The following UBASH3B variants were observed in gnomAD, a reference collection of about 807,000 sequenced individuals.
UBASH3B encodes ubiquitin associated and SH3 domain containing B.
In UBASH3B, 37 loss-of-function variants were observed where a neutral mutation model predicts 83.4. The ratio of observed to expected loss-of-function variants is 0.44; its 90% CI spans 0.34 to 0.58. UBASH3B has a LOEUF of 0.58. Among genes scored for constraint, UBASH3B ranks in the 20% least tolerant of loss-of-function variants. The pLI, the probability that UBASH3B is intolerant of heterozygous loss-of-function variation, is 0.01. For missense variants in UBASH3B, 657 were observed against 827.2 expected (o/e 0.79, Z 2.52); for synonymous variants, 304 against 318.3 (o/e 0.96, Z 0.48).
In UBASH3B at chr11:122,730,321, C is replaced by T. The variant is rs74681819; in HGVS notation, c.162-45898C>T. ...TCACACGGGTCCTTGAACAATTGCA[C>T]TCACATTGTGGGGAGGTTCCCGCCT... On this transcript the variant is annotated intron_variant, in intron 1 of 13. Transcript: ENST00000284273. Among the ~76,000 whole-genome samples, 611 of 152,272 alleles carry T rather than the reference C, an allele frequency of 4.0e-3. 6 individuals carry two copies. Among genetic ancestry groups the T allele is most frequent in the African/African-American group, 0.014 (590 of 41,556 alleles).
intron 1 of UBASH3B, among the ~76,000 whole-genome samples, chr11:122,674,890 G>A (rs923840469): frequency 2.6e-5 from 4 of 151,492 alleles, no homozygotes; most frequent in African/African-American, 7.3e-5. Flanking sequence ...CATCATACCC[G>A]GCTAATTTTC....
In UBASH3B at chr11:122,759,750, G is replaced by A. The variant is rs773402334; in HGVS notation, c.162-16469G>A. On this transcript the variant is annotated intron_variant, in intron 1 of 13. Transcript: ENST00000284273. This position sits in a 1 kb window ranked among gnomAD's most constrained non-coding sequence, Gnocchi z 4.1. Reference sequence around the variant, plus strand: ...TGCCACTGATCTGATAGGAGGCAGAGCTCAGGCAGTAATGCTCACTCGCCT... The same window carrying A: ...TGCCACTGATCTGATAGGAGGCAGAACTCAGGCAGTAATGCTCACTCGCCT... 1.1e-4 allele frequency among the ~76,000 whole-genome samples: 16 copies of A among 152,224 alleles called. No homozygotes were observed. The highest frequency in any genetic ancestry group is 2.4e-4 in the Non-Finnish European group (16 of 68,032).
chr11:122,778,347 A>G (rs1191584228), intron 3 of UBASH3B, among the ~76,000 whole-genome samples: 2 of 152,068 alleles, frequency 1.3e-5, no homozygotes, highest in African/African-American at 4.8e-5. Context: ...AGTTTGAGAG[A>G]CGTTCATTCT....
intron 1 of UBASH3B, among the ~76,000 whole-genome samples, chr11:122,719,731 C>T (rs1486369414): frequency 6.6e-6 from 1 of 152,156 alleles, no homozygotes; most frequent in African/African-American, 2.4e-5. Context: ...TCCTATCCTC[C>T]TCTTTTCTCT....
At chr11:122,656,484 A>G (rs1012579233) in intron 1 of UBASH3B, among the ~76,000 whole-genome samples, 9 of 152,052 alleles carry the variant, frequency 5.9e-5, no homozygotes, top group African/African-American at 2.2e-4. Context: ...TCCCGGGTAT[A>G]GTGCTCAGCC....
At chr11:122,714,754 A>G (rs1034362478) in intron 1 of UBASH3B, among the ~76,000 whole-genome samples, 1 of 152,172 alleles carries the variant, frequency 6.6e-6, no homozygotes, top group Non-Finnish European at 1.5e-5. Flanking sequence ...GATGATGGGA[A>G]GGCAGGGTAG....
chr11:122,701,571 G>T (rs997252928), intron 1 of UBASH3B, among the ~76,000 whole-genome samples: 5 of 152,052 alleles, frequency 3.3e-5, no homozygotes, highest in Non-Finnish European at 5.9e-5. Context: ...CCATGGTGAC[G>T]CAGAGGTCTG....
At chr11:122,711,286 A>T (rs1864187774) in intron 1 of UBASH3B, among the ~76,000 whole-genome samples, 1 of 152,162 alleles carries the variant, frequency 6.6e-6, no homozygotes, top group Non-Finnish European at 1.5e-5. Flanking sequence ...TGGAATTCGT[A>T]ATCATTTTAG....
intron 1 of UBASH3B, among the ~76,000 whole-genome samples, chr11:122,744,984 C>T (rs1861093924): frequency 1.3e-5 from 2 of 151,730 alleles, no homozygotes; most frequent in South Asian, 2.1e-4. Context: ...TTGCAGGGGA[C>T]CAGCCTGGTC....
intron 11 of UBASH3B, among the ~76,000 whole-genome samples, chr11:122,805,550 A>G (rs759268929): frequency 1.3e-5 from 2 of 152,116 alleles, no homozygotes; most frequent in Non-Finnish European, 1.5e-5. Flanking sequence ...AAACAACAAC[A>G]ACAACAAAAA....
At chr11:122,682,012 C>T (rs1323159402) in intron 1 of UBASH3B, among the ~76,000 whole-genome samples, 1 of 152,008 alleles carries the variant, frequency 6.6e-6, no homozygotes, top group Non-Finnish European at 1.5e-5. Flanking sequence ...ACAAGATGGG[C>T]CCATCTCCTG....
At chr11:122,722,140 A>G (rs1312607230) in intron 1 of UBASH3B, among the ~76,000 whole-genome samples, 1 of 152,224 alleles carries the variant, frequency 6.6e-6, no homozygotes, top group African/African-American at 2.4e-5. Flanking sequence ...GACAAGTTGT[A>G]TCACATTTTA....
intron 1 of UBASH3B, chr11:122,773,891 G>C (rs1860689580): frequency 1.3e-6 from 1 of 786,450 alleles, no homozygotes. Context: ...AAAAGAAATT[G>C]AATTCCTTAT....
At position 122,777,010 on chromosome 11, in the gene UBASH3B, C is replaced by T. The variant is rs1484893854; in HGVS notation, c.216-14C>T. On this transcript the variant is annotated splice_polypyrimidine_tract_variant and intron_variant, in intron 2 of 13. Coordinates refer to ENST00000284273, the MANE Select transcript of UBASH3B (RefSeq NM_032873.5). ...TCTCAAGCGACACCTTGTTGGCTTA[C>T]TTCTGTCTTACAGGTTATTCTCCCA... is the stretch of plus-strand genomic sequence containing the variant. 3.2e-6 allele frequency: 5 copies of T among 1,579,640 alleles called. No individual in the cohort carries two copies. In the East Asian group the frequency reaches 1.2e-4, roughly 36 times the overall value.
chr11:122,793,858 T>C (rs1400023182), intron 6 of UBASH3B, among the ~76,000 whole-genome samples: 1 of 152,076 alleles, frequency 6.6e-6, no homozygotes, highest in Non-Finnish European at 1.5e-5. Flanking sequence ...GAGGGGGAGA[T>C]AGGGTTTGGA....
At chr11:122,691,787 A>C (rs1863900370) in intron 1 of UBASH3B, among the ~76,000 whole-genome samples, 1 of 152,172 alleles carries the variant, frequency 6.6e-6, no homozygotes, top group Non-Finnish European at 1.5e-5. Flanking sequence ...GATTTTGCTG[A>C]GTCCCCTGGC....
At chr11:122,771,790 CTA>C (rs1860650847) in intron 1 of UBASH3B, among the ~76,000 whole-genome samples, 1 of 132,674 alleles carries the variant, frequency 7.5e-6, no homozygotes, top group African/African-American at 2.8e-5. Context: ...CACACACACA[CTA>C]AAATAATAAT....
At chr11:122,799,121 C>A in intron 10 of UBASH3B, 87 bp downstream of exon 10, 2 of 1,110,638 alleles carry the variant, frequency 1.8e-6, no homozygotes, top group Non-Finnish European at 2.7e-6. Context: ...AGCCATGGGA[C>A]ATTTGCCAGT....
At chr11:122,792,015 C>A (rs1861062883) in intron 6 of UBASH3B, among the ~76,000 whole-genome samples, 1 of 152,194 alleles carries the variant, frequency 6.6e-6, no homozygotes, top group African/African-American at 2.4e-5. Context: ...CCGGCTTCCT[C>A]CCTCCACTGT....
Sources: allele counts gnomAD v4.1 joint callset (sites outside exome capture counted in the v4.1 genomes callset), GRCh38; gene constraint gnomAD v4.1.1; non-coding constraint Gnocchi (gnomAD v3.1); transcripts MANE v1.5; gene names NCBI Gene and HGNC (gene_info 2026-07-23, HGNC 2026-07-21).